Variants in SUPT16H observed in about 807,000 individuals in gnomAD.
SUPT16H encodes the protein SPT16 homolog, facilitates chromatin remodeling subunit.
A neutral mutation model predicts 136.2 loss-of-function variants in SUPT16H; 24 were observed. The ratio of observed to expected loss-of-function variants is 0.18; its 90% CI spans 0.13 to 0.25. The LOEUF (loss-of-function observed/expected upper bound fraction) is 0.25, where lower values mean the gene tolerates loss of function less well. SUPT16H is among the 10% of genes least tolerant of loss of function. The probability of loss-of-function intolerance (pLI) is 1.00; values close to 1 mark genes in which losing one functional copy is unlikely to be tolerated. For synonymous variants in SUPT16H, 415 were observed against 428.2 expected (o/e 0.97, Z 0.38); for missense variants, 623 against 1,270.2 (o/e 0.49, Z 7.74).
At chr14:21,383,670 T>C in intron 1 of SUPT16H, 192 bp downstream of exon 1, 1 of 723,204 alleles carries the variant, frequency 1.4e-6, no homozygotes, top group South Asian at 1.5e-5. Context: ...CAGGACAGGG[T>C]GAATGCGGGG....
chr14:21,365,003 C>A, intron 9 of SUPT16H, 64 bp from the exon 10 acceptor site: 1 of 1,605,856 alleles, frequency 6.2e-7, no homozygotes, highest in Non-Finnish European at 8.5e-7. Flanking sequence ...GAGACATATG[C>A]CTAAAAGAAA....
rs369900141 is a variant in SUPT16H at position 21,369,732 on chromosome 14, C to G, written c.630+18G>C. On this transcript the variant is annotated intron_variant, in intron 5 of 25. Transcript: ENST00000216297. ...TGCTTCATTAAAACAGTAAAAAGAC[C>G]CTCTCATCTCCATTTACCTCATCTG... The G allele has an allele frequency of 1.7e-5, 28 of 1,613,138 alleles. No homozygotes were observed. The highest frequency in any genetic ancestry group is 6.7e-5 in the Admixed American group (4 of 59,968).
rs1443673519 is a variant in SUPT16H at position 21,357,244 on chromosome 14, G to A, written c.2613C>T (p.Ile871=). The part of the protein sequence containing the change: ...YKDYSKKVTM[I]NAIPVASLDP... The stretch of plus-strand genomic sequence containing the variant: ...CAAGAGAGGCTACAGGAATGGCGTT[G>A]ATCATGGTCACTTTCTTGCTGTAGT... The change falls in exon 22 of 26, where the codon ATC becomes ATT. Residue 871 remains isoleucine (I), a synonymous_variant. Coordinates refer to ENST00000216297, the MANE Select transcript of SUPT16H (RefSeq NM_007192.4). The A allele has an allele frequency of 6.2e-7, 1 of 1,612,386 alleles. No individual in the cohort carries two copies. Among genetic ancestry groups the A allele is most frequent in the Admixed American group, 1.7e-5 (1 of 59,730 alleles).
intron 1 of SUPT16H, chr14:21,383,471 G>C: frequency 1.8e-6 from 1 of 564,970 alleles, no homozygotes; most frequent in Non-Finnish European, 3.1e-6. Flanking sequence ...AATCCTGGCG[G>C]GACCAGGGGT....
At chr14:21,375,442 T>C (rs553724133) in intron 1 of SUPT16H, among the ~76,000 whole-genome samples, 9 of 152,244 alleles carry the variant, frequency 5.9e-5, no homozygotes, top group Admixed American at 3.9e-4. Flanking sequence ...TGTAGCTGAG[T>C]TGTTGCTTTA....
At position 21,370,508 on chromosome 14, in the gene SUPT16H, G is replaced by A. The variant is rs1886762606; in HGVS notation, c.331-20C>T. 4.3e-6 allele frequency: 7 copies of A among 1,612,472 alleles called. No homozygotes were observed. The highest frequency in any genetic ancestry group is 5.9e-6 in the Non-Finnish European group (7 of 1,179,342). On this transcript the variant is annotated intron_variant, in intron 3 of 25. Coordinates refer to ENST00000216297, the MANE Select transcript of SUPT16H (RefSeq NM_007192.4). ...TTCATTCTGTCAGTGTCATAGGGAAGAAAAGACACATATGTTTTACCAGTT... is the reference window on the plus strand; with the variant it reads ...TTCATTCTGTCAGTGTCATAGGGAAAAAAAGACACATATGTTTTACCAGTT...
intron 22 of SUPT16H, 69 bp from the exon 23 acceptor site, chr14:21,354,609 T>C (rs1187232026): frequency 9.5e-6 from 15 of 1,570,848 alleles, no homozygotes; most frequent in Admixed American, 1.7e-5. Context: ...CTTCTTTTTT[T>C]GAGACAGAGT....
At chr14:21,376,607 A>C (rs1886907085) in intron 1 of SUPT16H, among the ~76,000 whole-genome samples, 1 of 152,104 alleles carries the variant, frequency 6.6e-6, no homozygotes, top group Non-Finnish European at 1.5e-5. Flanking sequence ...ATTAGTTCTC[A>C]CCAATAGTGA....
intron 5 of SUPT16H, 21 bp from the exon 6 acceptor site, chr14:21,369,376 A>G (rs1223976515): frequency 8.1e-6 from 13 of 1,613,888 alleles, no homozygotes; most frequent in Admixed American, 1.7e-5. Flanking sequence ...ATCCAGAAAT[A>G]AAGTAACACT....
rs1342356086 is a variant in SUPT16H, at chr14:21,354,450, G to A, written c.2751C>T (p.Phe917=). 5.6e-6 allele frequency: 9 copies of A among 1,614,008 alleles called. No individual in the cohort carries two copies. The East Asian group carries it at 6.7e-5, about 12-fold the overall frequency. The change falls in exon 23 of 26, where the codon TTC becomes TTT. Residue 917 remains phenylalanine (F), a synonymous_variant. Transcript: ENST00000216297. ...KTIVDDPEGF[F]EQGGWSFLEP... is the part of the protein sequence containing the mutation. Reference sequence around the variant, plus strand: ...CCAGGAAAGACCAGCCACCTTGTTCGAAGAAGCCCTCAGGGTCATCAACAA... The same window carrying A: ...CCAGGAAAGACCAGCCACCTTGTTCAAAGAAGCCCTCAGGGTCATCAACAA...
rs199520224 is a variant in SUPT16H, at chr14:21,383,877, C to G, written c.51G>C (p.Leu17=). The change falls in exon 1 of 26, where the codon CTG becomes CTC. Residue 17 remains leucine, a synonymous_variant. Coordinates refer to ENST00000216297, the MANE Select transcript of SUPT16H (RefSeq NM_007192.4). ...KDAYYRRVKR[L]YSNWRKGEDE... is the part of the protein sequence containing the mutation. ...TCTTCCTCACCCGCCAATTGCTGTACAGTCTCTTCACTCGCCGATAATAAG... is the reference window on the plus strand; with the variant it reads ...TCTTCCTCACCCGCCAATTGCTGTAGAGTCTCTTCACTCGCCGATAATAAG... 7 of 1,613,820 alleles carry G rather than the reference C, an allele frequency of 4.3e-6. No homozygotes were observed. The highest frequency in any genetic ancestry group is 5.1e-6 in the Non-Finnish European group (6 of 1,180,042).
chr14:21,376,376 T>TC (rs1286708497), intron 1 of SUPT16H, among the ~76,000 whole-genome samples: 1 of 152,046 alleles, frequency 6.6e-6, no homozygotes, highest in African/African-American at 2.4e-5. Flanking sequence ...AATTCTGACT[T>TC]CCCCTATAAA....
chr14:21,380,902 G>A (rs1887008373), intron 1 of SUPT16H, among the ~76,000 whole-genome samples: 1 of 151,356 alleles, frequency 6.6e-6, no homozygotes, highest in Admixed American at 6.6e-5. Flanking sequence ...AAAAATAATC[G>A]TAATCATGAA....
Position 21,373,442 on chromosome 14 carries a change from G to C in SUPT16H, c.67-12C>G, listed in dbSNP as rs1160377912. On this transcript the variant is annotated splice_polypyrimidine_tract_variant and intron_variant, in intron 1 of 25. Coordinates refer to ENST00000216297, the MANE Select transcript of SUPT16H (RefSeq NM_007192.4). ...TCATCTTCTCCTTTCTGAAAAGAGT[G>C]GGTAATCATCACTTAATTTTTCACA... is the stretch of plus-strand genomic sequence containing the variant. 1 of 1,595,850 alleles carries C rather than the reference G, an allele frequency of 6.3e-7. No homozygotes were observed. Among genetic ancestry groups the C allele is most frequent in the Non-Finnish European group, 8.6e-7 (1 of 1,163,568 alleles).
chr14:21,355,853 G>A (rs990620585), intron 22 of SUPT16H, among the ~76,000 whole-genome samples: 6 of 152,088 alleles, frequency 3.9e-5, no homozygotes, highest in African/African-American at 1.2e-4. Flanking sequence ...CAATATACAC[G>A]GCAACTTCTG....
In SUPT16H at chr14:21,361,078, C is replaced by T; in HGVS notation, c.1929G>A (p.Glu643=). 1 of 1,613,748 alleles carries T rather than the reference C, an allele frequency of 6.2e-7. No homozygotes were observed. The highest frequency in any genetic ancestry group is 8.5e-7 in the Non-Finnish European group (1 of 1,179,918). The part of the protein sequence containing the change: ...KTREAEEKEK[E]GIVKQDSLVI... Reference sequence around the variant, plus strand: ...ATGTTTTGCCTGTGTTCAGGCTCACCTCCTTCTCTTTCTCTTCAGCTTCTC... The same window carrying T: ...ATGTTTTGCCTGTGTTCAGGCTCACTTCCTTCTCTTTCTCTTCAGCTTCTC... The change falls in exon 16 of 26, where the codon GAG becomes GAA. Residue 643 remains glutamate, a splice_region_variant and synonymous_variant. Transcript: ENST00000216297.
intron 2 of SUPT16H, chr14:21,372,593 C>G (rs1886810713): frequency 2.5e-6 from 1 of 403,080 alleles, no homozygotes; most frequent in Non-Finnish European, 4.8e-6. Context: ...TCTTCTCTGT[C>G]TCTTTTTGCT....
intron 15 of SUPT16H, 22 bp downstream of exon 15, chr14:21,362,175 A>AT (rs1244016920): frequency 6.2e-7 from 1 of 1,609,398 alleles, no homozygotes; most frequent in Admixed American, 1.7e-5. Context: ...GAATCTGGGT[A>AT]TGACTTTTCT....
intron 23 of SUPT16H, among the ~76,000 whole-genome samples, chr14:21,354,065 C>G (rs534189938): frequency 1.3e-5 from 2 of 152,128 alleles, no homozygotes; most frequent in African/African-American, 4.8e-5. Context: ...GCCTTCCTCA[C>G]CCAGGGAAAT....
Sources: gnomAD v4.1 joint callset for allele counts (sites outside exome capture counted in the v4.1 genomes callset) on GRCh38, gnomAD v4.1.1 for gene constraint, MANE v1.5 for transcripts, NCBI Gene and HGNC (gene_info 2026-07-23, HGNC 2026-07-21) for gene names.